PHF24: variants seen among roughly 807,000 people sequenced by gnomAD.
PHF24 encodes PHD finger protein 24.
A neutral mutation model predicts 42.6 loss-of-function variants in PHF24; 25 were observed. The observed-to-expected ratio is 0.59, with a 90% CI of 0.43 to 0.82. The LOEUF (loss-of-function observed/expected upper bound fraction) is 0.82. PHF24 is among the 40% of genes least tolerant of loss of function. The pLI is 0.00. For missense variants in PHF24, 470 were observed against 538.1 expected (o/e 0.87, Z 1.25); for synonymous variants, 185 against 204.8 (o/e 0.90, Z 0.83).
chr9:34,790,775 G>T, the PHF24 span, among the ~76,000 whole-genome samples: 24 of 152,350 alleles, frequency 1.6e-4, no homozygotes, highest in Non-Finnish European at 2.9e-4. Flanking sequence ...GGGAAGGTCC[G>T]TCTGAGGAGG....
chr9:34,679,349 A>T, the PHF24 span, among the ~76,000 whole-genome samples: 3 of 152,206 alleles, frequency 2.0e-5, no homozygotes, highest in Non-Finnish European at 4.4e-5. Context: ...AGCCTCATGG[A>T]GAGTTCTTGA....
chr9:34,666,739 A>T, the PHF24 span, among the ~76,000 whole-genome samples: 1 of 152,108 alleles, frequency 6.6e-6, no homozygotes, highest in African/African-American at 2.4e-5. Flanking sequence ...CGAGTTCAGG[A>T]GTTCAAGACC....
At chr9:34,739,208 CAA>C in the PHF24 span, among the ~76,000 whole-genome samples, 1 of 152,116 alleles carries the variant, frequency 6.6e-6, no homozygotes, top group Non-Finnish European at 1.5e-5. Context: ...CAAGTTAAAA[CAA>C]GATCTCATTT....
the PHF24 span, among the ~76,000 whole-genome samples, chr9:34,943,303 T>C: frequency 6.6e-6 from 1 of 152,202 alleles, no homozygotes; most frequent in African/African-American, 2.4e-5. Context: ...GGTTTCTACT[T>C]GGCCTTTCTC....
At chr9:34,726,770 G>T in the PHF24 span, 3 of 1,551,562 alleles carry the variant, frequency 1.9e-6, no homozygotes, top group African/African-American at 4.1e-5. Flanking sequence ...GGTGTGCCAG[G>T]AATGAAACTC....
the PHF24 span, among the ~76,000 whole-genome samples, chr9:34,695,193 T>C: frequency 6.6e-6 from 1 of 152,062 alleles, no homozygotes; most frequent in African/African-American, 2.4e-5. Flanking sequence ...GAAACTTGAG[T>C]TGATAAACCA....
chr9:34,828,927 C>CTATATCTATATT, the PHF24 span, among the ~76,000 whole-genome samples: 1 of 151,826 alleles, frequency 6.6e-6, no homozygotes. Flanking sequence ...ATATCTATAT[C>CTATATCTATATT]TATATCTATA....
chr9:34,930,974 G>T, the PHF24 span, among the ~76,000 whole-genome samples: 2 of 152,152 alleles, frequency 1.3e-5, no homozygotes, highest in African/African-American at 4.8e-5. Context: ...ATTGGATCAT[G>T]GGGTGAAGTT....
At chr9:34,821,978 T>C in the PHF24 span, among the ~76,000 whole-genome samples, 1 of 152,256 alleles carries the variant, frequency 6.6e-6, no homozygotes, top group Non-Finnish European at 1.5e-5. Flanking sequence ...TATGCTTCCT[T>C]AATTAAATTC....
At chr9:34,963,261 T>C (rs1253241844) in intron 1 of PHF24, among the ~76,000 whole-genome samples, 1 of 97,758 alleles carries the variant, frequency 1.0e-5, no homozygotes, top group Non-Finnish European at 2.1e-5. Context: ...TTTGATGGTT[T>C]TTTTTTTTTT....
the PHF24 span, among the ~76,000 whole-genome samples, chr9:34,850,288 G>A: frequency 1.3e-5 from 2 of 152,020 alleles, no homozygotes; most frequent in African/African-American, 4.8e-5. Context: ...TTTCTTGGAG[G>A]CTTTGTTCAT....
the PHF24 span, among the ~76,000 whole-genome samples, chr9:34,915,508 C>T: frequency 6.6e-6 from 1 of 151,432 alleles, no homozygotes; most frequent in South Asian, 2.1e-4. Context: ...AGAACCAAAA[C>T]CTGCACAGAA....
chr9:34,888,977 A>G, the PHF24 span: 1 of 397,680 alleles, frequency 2.5e-6, no homozygotes, highest in East Asian at 3.6e-5. Context: ...TTAAGCTTCT[A>G]TACCACATAA....
At chr9:34,728,039 C>A in the PHF24 span, 1 of 1,552,166 alleles carries the variant, frequency 6.4e-7, no homozygotes, top group Admixed American at 2.0e-5. Flanking sequence ...TGATGGAGAG[C>A]AGCTTCTGTG....
the PHF24 span, among the ~76,000 whole-genome samples, chr9:34,692,175 C>G: frequency 1.3e-5 from 2 of 152,048 alleles, no homozygotes; most frequent in African/African-American, 4.8e-5. Flanking sequence ...AACCCTAGAC[C>G]CTCTTTTGGA....
the PHF24 span, among the ~76,000 whole-genome samples, chr9:34,695,648 C>G: frequency 6.6e-6 from 1 of 152,206 alleles, no homozygotes; most frequent in Admixed American, 6.5e-5. Flanking sequence ...TAAATGATGT[C>G]AGAATTGAAC....
the PHF24 span, among the ~76,000 whole-genome samples, chr9:34,940,287 A>C: frequency 6.6e-6 from 1 of 152,074 alleles, no homozygotes; most frequent in South Asian, 2.1e-4. Context: ...TAAGCACAAC[A>C]AAGACACACA....
the PHF24 span, chr9:34,726,963 T>C: frequency 6.5e-7 from 1 of 1,550,128 alleles, no homozygotes; most frequent in Non-Finnish European, 8.7e-7. Context: ...CGCCGCACAC[T>C]TCTCTCCAGA....
chr9:34,831,787 A>T, the PHF24 span, among the ~76,000 whole-genome samples: 1 of 152,042 alleles, frequency 6.6e-6, no homozygotes. Context: ...CTTTCATTTC[A>T]TGCAACTGAG....
Sources: allele counts gnomAD v4.1 joint callset (sites outside exome capture counted in the v4.1 genomes callset), GRCh38; gene constraint gnomAD v4.1.1; transcripts MANE v1.5; gene names NCBI Gene and HGNC (gene_info 2026-07-23, HGNC 2026-07-21).